The following ALCAM variants were observed in gnomAD, a reference collection of about 807,000 sequenced individuals.
ALCAM encodes the protein activated leukocyte cell adhesion molecule, also known as CD166 antigen.
In ALCAM, 30 loss-of-function variants were observed where a neutral mutation model predicts 70.9. The observed-to-expected ratio is 0.42, with a 90% confidence interval of 0.32 to 0.57. The LOEUF (loss-of-function observed/expected upper bound fraction) is 0.57. Ranked by LOEUF, ALCAM falls within the 20% of genes least tolerant of loss-of-function variation. The pLI is 0.11. For synonymous variants in ALCAM, 249 were observed against 242.5 expected, an observed-to-expected ratio of 1.03 and a Z score of -0.25; for missense variants, 591 against 695.1, an observed-to-expected ratio of 0.85 and a Z score of 1.68.
intron 1 of ALCAM, among the ~76,000 whole-genome samples, chr3:105,441,922 A>T (rs1312461375): frequency 6.6e-6 from 1 of 152,188 alleles, no homozygotes; most frequent in Non-Finnish European, 1.5e-5. Context: ...TCATTCCAAG[A>T]GTGTTGCCTT....
intron 1 of ALCAM, among the ~76,000 whole-genome samples, chr3:105,385,391 C>A (rs1015855306): frequency 6.6e-6 from 1 of 151,428 alleles, no homozygotes; most frequent in Admixed American, 6.6e-5. Context: ...ATGAGTGGAC[C>A]TCTCTTCAGA....
chr3:105,556,891 C>T (rs768786970), intron 14 of ALCAM, among the ~76,000 whole-genome samples: 6 of 151,920 alleles, frequency 3.9e-5, no homozygotes, highest in Non-Finnish European at 8.8e-5. Context: ...GCATGAGAAC[C>T]TACCGTTTTT....
chr3:105,383,149 T>G (rs1237383498), intron 1 of ALCAM, among the ~76,000 whole-genome samples: 1 of 151,756 alleles, frequency 6.6e-6, no homozygotes, highest in African/African-American at 2.4e-5. Flanking sequence ...GAACACAGTT[T>G]ATATGCCATC....
At chr3:105,368,477 G>T (rs1935139954) in intron 1 of ALCAM, among the ~76,000 whole-genome samples, 1 of 148,764 alleles carries the variant, frequency 6.7e-6, no homozygotes, top group African/African-American at 2.5e-5. Context: ...TTTCTTTGAA[G>T]TTTTTTTTTT....
At chr3:105,549,599 A>G (rs1940343081) in intron 11 of ALCAM, among the ~76,000 whole-genome samples, 1 of 151,406 alleles carries the variant, frequency 6.6e-6, no homozygotes. Context: ...AGGGACAGCA[A>G]TCACTGAAAA....
chr3:105,402,377 A>T (rs1047353859), intron 1 of ALCAM, among the ~76,000 whole-genome samples: 3 of 152,156 alleles, frequency 2.0e-5, no homozygotes, highest in Non-Finnish European at 4.4e-5. Flanking sequence ...GAAAGCAGAG[A>T]GAATCCACAG....
chr3:105,370,473 A>G (rs940025749), intron 1 of ALCAM, among the ~76,000 whole-genome samples: 24 of 152,198 alleles, frequency 1.6e-4, no homozygotes, highest in African/African-American at 5.8e-4. Context: ...ATAAAAAGAC[A>G]GACTAGAGGC....
intron 1 of ALCAM, among the ~76,000 whole-genome samples, chr3:105,499,980 T>C (rs7652866): frequency 0.17 from 26,624 of 152,154 alleles, 2,634 homozygotes; most frequent in Admixed American, 0.26. Flanking sequence ...TATCTTTTCT[T>C]ATTTCAATTT....
chr3:105,514,309 C>T (rs1408676381), intron 1 of ALCAM, among the ~76,000 whole-genome samples: 1 of 151,812 alleles, frequency 6.6e-6, no homozygotes, highest in Non-Finnish European at 1.5e-5. Context: ...TTAAAGGAAA[C>T]ATAGGAATCT....
chr3:105,373,536 A>C (rs1246340351), intron 1 of ALCAM, among the ~76,000 whole-genome samples: 1 of 152,156 alleles, frequency 6.6e-6, no homozygotes, highest in African/African-American at 2.4e-5. Flanking sequence ...AGAAAAAAAA[A>C]CTTTCCTGTA....
intron 1 of ALCAM, among the ~76,000 whole-genome samples, chr3:105,502,437 A>T (rs1938946857): frequency 6.6e-6 from 1 of 152,212 alleles, no homozygotes; most frequent in African/African-American, 2.4e-5. Context: ...GCTTGAGGCC[A>T]TGCTTTTGGA....
chr3:105,368,223 AAGAGAGAGAG>A (rs5851454), intron 1 of ALCAM, among the ~76,000 whole-genome samples: 115 of 67,832 alleles, frequency 1.7e-3, no homozygotes, highest in Middle Eastern at 8.2e-3. Flanking sequence ...TGAGTCTTGG[AAGAGAGAGAG>A]AGAGAGAGAG....
chr3:105,442,192 A>G (rs971677029), intron 1 of ALCAM, among the ~76,000 whole-genome samples: 1 of 152,142 alleles, frequency 6.6e-6, no homozygotes, highest in African/African-American at 2.4e-5. Context: ...ACTAGAACCA[A>G]TCTATCTTGG....
At chr3:105,478,592 A>C (rs1202969426) in intron 1 of ALCAM, among the ~76,000 whole-genome samples, 1 of 152,060 alleles carries the variant, frequency 6.6e-6, no homozygotes, top group African/African-American at 2.4e-5. Context: ...CCTATAATAG[A>C]ATCTTCCACT....
chr3:105,573,484 A>ATGTATG (rs1366299315), intron 15 of ALCAM, among the ~76,000 whole-genome samples: 1 of 152,190 alleles, frequency 6.6e-6, no homozygotes, highest in Non-Finnish European at 1.5e-5. Context: ...TAGGTAGTAT[A>ATGTATG]TGTATGTGTA....
At chr3:105,414,755 T>C (rs1280732678) in intron 1 of ALCAM, among the ~76,000 whole-genome samples, 1 of 152,140 alleles carries the variant, frequency 6.6e-6, no homozygotes, top group Non-Finnish European at 1.5e-5. Flanking sequence ...ATAATTATAT[T>C]GAAGAAGGAC....
At chr3:105,562,071 G>A (rs1003728413) in intron 14 of ALCAM, among the ~76,000 whole-genome samples, 2 of 152,166 alleles carry the variant, frequency 1.3e-5, no homozygotes, top group Non-Finnish European at 2.9e-5. Context: ...ACTATGATTG[G>A]TCTTTCTAGT....
chr3:105,419,536 A>C (rs564457997), intron 1 of ALCAM, among the ~76,000 whole-genome samples: 3 of 151,950 alleles, frequency 2.0e-5, no homozygotes, highest in Non-Finnish European at 4.4e-5. Flanking sequence ...ATTGCAGAGA[A>C]CATAGCAACT....
At chr3:105,505,102 T>C (rs1178974089) in intron 1 of ALCAM, among the ~76,000 whole-genome samples, 2 of 152,248 alleles carry the variant, frequency 1.3e-5, no homozygotes, top group African/African-American at 4.8e-5. Context: ...CTGCTAATTA[T>C]GTTTCATTTC....
Sources: allele counts gnomAD v4.1 joint callset (sites outside exome capture counted in the v4.1 genomes callset), GRCh38; gene constraint gnomAD v4.1.1; transcripts MANE v1.5; gene names NCBI Gene and HGNC (gene_info 2026-07-23, HGNC 2026-07-21).